CERS1: variants seen among roughly 807,000 people sequenced by gnomAD.
The protein encoded by CERS1 is Embryonic growth/differentiation factor 1.
A neutral mutation model predicts 35.7 loss-of-function variants in CERS1; 16 were observed. That is an observed-to-expected ratio of 0.45 (90% CI 0.30 to 0.68). The LOEUF is 0.68. Among genes scored for constraint, CERS1 ranks in the 30% least tolerant of loss-of-function variants. CERS1 has a pLI of 0.08. For missense variants in CERS1, 454 were observed against 453.9 expected, an observed-to-expected ratio of 1.00 and a Z score of 0.00; for synonymous variants, 243 against 201.6, an observed-to-expected ratio of 1.21 and a Z score of -1.74.
chr19:18,876,664 C>T (rs892924762), intron 6 of CERS1, among the ~76,000 whole-genome samples: 12 of 152,040 alleles, frequency 7.9e-5, no homozygotes, highest in East Asian at 1.9e-4. Flanking sequence ...GGATTACAGA[C>T]GTGAGCCACC....
chr19:18,885,316 T>A (rs554819142), intron 2 of CERS1, among the ~76,000 whole-genome samples: 29 of 152,198 alleles, frequency 1.9e-4, no homozygotes, highest in Admixed American at 7.2e-4. Flanking sequence ...TCCTCCCACC[T>A]CAGCCTCCTG....
intron 6 of CERS1, among the ~76,000 whole-genome samples, chr19:18,877,188 A>G (rs1237048587): frequency 6.6e-6 from 1 of 152,204 alleles, no homozygotes; most frequent in Non-Finnish European, 1.5e-5. Flanking sequence ...TACAGGGTGC[A>G]TGCTTTGCTG....
chr19:18,876,187 T>C (rs998539259), intron 6 of CERS1, among the ~76,000 whole-genome samples: 1 of 152,180 alleles, frequency 6.6e-6, no homozygotes, highest in Non-Finnish European at 1.5e-5. Flanking sequence ...GGTTTCACCA[T>C]GTTAGCCAGG....
rs377152682 is a variant in CERS1 at position 18,884,277 on chromosome 19, G to A, written c.410-10C>T. ...ATGCCCGGCGTCCAGTCTGGGGAGA[G>A]CCAAATCTCACAGTCAGGGCCCTGC... On this transcript the variant is annotated splice_polypyrimidine_tract_variant and intron_variant, in intron 2 of 7. Coordinates refer to ENST00000623882, the MANE Select transcript of CERS1 (RefSeq NM_021267.5). 65 of 1,606,582 alleles carry A rather than the reference G, an allele frequency of 4.0e-5. 1 individual carries two copies. In the Middle Eastern group the frequency reaches 6.6e-4, roughly 16 times the overall value.
Position 18,878,773 on chromosome 19 carries a change from C to T in CERS1, c.1010+157G>A, listed in dbSNP as rs2056114561. Reference sequence around the variant, plus strand: ...TCCTTCAGGGTACTGGCCACATCGTCCACGCCTTTATTGCAGTCTCTGTTT... The same window carrying T: ...TCCTTCAGGGTACTGGCCACATCGTTCACGCCTTTATTGCAGTCTCTGTTT... On this transcript the variant is annotated intron_variant, in intron 6 of 7. Transcript: ENST00000623882. The surrounding 1 kb of genome is among the most constrained non-coding windows in gnomAD (Gnocchi z 4.6). 1.4e-6 allele frequency: 2 copies of T among 1,452,826 alleles called. No homozygotes were observed. Among genetic ancestry groups the T allele is most frequent in the Non-Finnish European group, 1.8e-6 (2 of 1,102,442 alleles). 90.0% of individuals were successfully genotyped at this position (1,452,826 alleles called of 1,614,324 possible).
At chr19:18,893,292 T>G (rs534679654) in intron 2 of CERS1, 124 bp downstream of exon 2, 2 of 1,087,456 alleles carry the variant, frequency 1.8e-6, no homozygotes, top group African/African-American at 3.2e-5. Context: ...ATAGCTCCCC[T>G]TGGCCTCCAA....
intron 2 of CERS1, among the ~76,000 whole-genome samples, chr19:18,889,941 G>A (rs1389199507): frequency 1.3e-5 from 2 of 152,120 alleles, no homozygotes; most frequent in Non-Finnish European, 2.9e-5. Context: ...TTCTAAAATT[G>A]GCCACTTTGC....
intron 1 of CERS1, among the ~76,000 whole-genome samples, chr19:18,894,535 G>A (rs1458111656): frequency 3.3e-5 from 5 of 152,100 alleles, no homozygotes; most frequent in Admixed American, 6.5e-5. Context: ...CCGGGGCTCG[G>A]CCCTGGTAGT....
chr19:18,875,228 C>G (rs1253360044), intron 6 of CERS1, among the ~76,000 whole-genome samples: 1 of 138,176 alleles, frequency 7.2e-6, no homozygotes, highest in African/African-American at 2.7e-5. Context: ...AGAGTGGGAC[C>G]GTCTCTAAAA....
intron 3 of CERS1, chr19:18,881,698 G>C (rs2056214102): frequency 6.6e-6 from 1 of 152,270 alleles, no homozygotes; most frequent in Non-Finnish European, 1.5e-5. Flanking sequence ...CAGGTCCTTT[G>C]CACGTGCTGT....
Position 18,895,839 on chromosome 19 carries a change from A to C in CERS1, c.234T>G (p.Thr78=). 1 of 1,282,682 alleles carries C rather than the reference A, an allele frequency of 7.8e-7. No individual in the cohort carries two copies. Among genetic ancestry groups the C allele is most frequent in the Non-Finnish European group, 9.9e-7 (1 of 1,013,622 alleles). The allele number at this position is 1,282,682 out of a possible 1,614,324, so 79.5% of individuals were successfully genotyped here. Residue 78 remains threonine, a synonymous_variant, in exon 1 of 8, where the codon ACT becomes ACG. Coordinates refer to ENST00000623882, the MANE Select transcript of CERS1 (RefSeq NM_021267.5). This position sits in a 1 kb window ranked among gnomAD's most constrained non-coding sequence, Gnocchi z 6.4. ...CCACACTGACCCGAAAGAGGCGCGCAGTGGCCGCGGAGCGCAGGGCGGTCC... is the reference window on the plus strand; with the variant it reads ...CCACACTGACCCGAAAGAGGCGCGCCGTGGCCGCGGAGCGCAGGGCGGTCC... ...LGWTALRSAA[T]ARLFRPLAKR...
Position 18,868,931 on chromosome 19 carries a change from C to A in CERS1, c.*1054G>T. 1.5e-6 allele frequency: 2 copies of A among 1,320,640 alleles called. No individual in the cohort carries two copies. Among genetic ancestry groups the A allele is most frequent in the Non-Finnish European group, 1.9e-6 (2 of 1,026,388 alleles). 81.8% of individuals were successfully genotyped at this position (1,320,640 alleles called of 1,614,324 possible). ...CCGCGCGCGACAAGCGCCCCCGGGG[C>A]CGCCGCCCAACACGGGTTCGGCGTC... On this transcript the variant is annotated 3_prime_UTR_variant, in exon 8 of 8. Coordinates refer to ENST00000623882, the MANE Select transcript of CERS1 (RefSeq NM_021267.5).
At chr19:18,874,382 C>CA (rs1447248281) in intron 6 of CERS1, among the ~76,000 whole-genome samples, 3 of 152,200 alleles carry the variant, frequency 2.0e-5, no homozygotes. Context: ...TGGCTCACTG[C>CA]AGCCTTGACC....
At chr19:18,882,940 C>T (rs1023211565) in intron 3 of CERS1, 3 of 152,168 alleles carry the variant, frequency 2.0e-5, no homozygotes, top group Non-Finnish European at 4.4e-5. Flanking sequence ...ATCCGCTCGC[C>T]TCGGCCTCGC....
chr19:18,894,241 A>T (rs1437340725), intron 1 of CERS1, among the ~76,000 whole-genome samples: 1 of 23,814 alleles, frequency 4.2e-5, no homozygotes, highest in Non-Finnish European at 7.9e-5. Flanking sequence ...GGGGTTGGGG[A>T]GTGCGGTGGG....
intron 4 of CERS1, 110 bp from the exon 5 acceptor site, chr19:18,879,498 C>A: frequency 7.9e-7 from 1 of 1,259,322 alleles, no homozygotes; most frequent in Non-Finnish European, 1.1e-6. Context: ...CATCCTTGCC[C>A]ACCTCTGCCC....
At position 18,890,553 on chromosome 19, in the gene CERS1, G is replaced by C. The variant is rs1225809987; in HGVS notation, c.409+2863C>G. 4.6e-5 allele frequency among the ~76,000 whole-genome samples: 7 copies of C among 151,930 alleles called. No individual in the cohort carries two copies. The East Asian group carries it at 1.3e-3, about 29-fold the overall frequency. ...ACCACTTTGGGAGGCTGAGGTGGGA[G>C]GACTGCTTGAGGCCAGGAGTTCAAG... On this transcript the variant is annotated intron_variant, in intron 2 of 7. Transcript: ENST00000623882.
intron 3 of CERS1, among the ~76,000 whole-genome samples, chr19:18,882,310 G>A (rs1048333684): frequency 2.0e-5 from 3 of 152,154 alleles, no homozygotes; most frequent in African/African-American, 7.2e-5. Flanking sequence ...TTGTGTGGCT[G>A]AGGAATGGAA....
Position 18,870,104 on chromosome 19 carries a change from G to C in CERS1, c.*473C>G, listed in dbSNP as rs762463853. 235 of 1,570,344 alleles carry C rather than the reference G, an allele frequency of 1.5e-4. No homozygotes were observed. Among genetic ancestry groups the C allele is most frequent in the Non-Finnish European group, 2.0e-4 (230 of 1,162,832 alleles). ...CAGACCTGGTCTCCTGGGGGTCCCG[G>C]CGTCGAAACAGGCGCCACATGACCG... On this transcript the variant is annotated 3_prime_UTR_variant, in exon 7 of 8. Transcript: ENST00000623882. This position sits in a 1 kb window ranked among gnomAD's most constrained non-coding sequence, Gnocchi z 5.1.
Sources: allele counts gnomAD v4.1 joint callset (sites outside exome capture counted in the v4.1 genomes callset), GRCh38; gene constraint gnomAD v4.1.1; non-coding constraint Gnocchi (gnomAD v3.1); transcripts MANE v1.5; gene names NCBI Gene and HGNC (gene_info 2026-07-23, HGNC 2026-07-21).